The following FKBP5 variants were observed in gnomAD, a reference collection of about 807,000 sequenced individuals.
FKBP5 encodes peptidyl-prolyl cis-trans isomerase FKBP5.
Under a neutral mutation model 50.5 loss-of-function variants are expected in FKBP5, and 23 were observed. That is an observed-to-expected ratio of 0.46 (90% CI 0.33 to 0.65). The LOEUF is 0.65. FKBP5 is among the 30% of genes least tolerant of loss of function. FKBP5 has a pLI of 0.02. For missense variants in FKBP5, 411 were observed against 553.1 expected, an observed-to-expected ratio of 0.74 and a Z score of 2.58; for synonymous variants, 176 against 190.6, an observed-to-expected ratio of 0.92 and a Z score of 0.63.
At chr6:35,656,522 C>T (rs545576852) in intron 1 of FKBP5, among the ~76,000 whole-genome samples, 69 of 152,236 alleles carry the variant, frequency 4.5e-4, no homozygotes, top group African/African-American at 1.6e-3. Flanking sequence ...CCATTGCAAC[C>T]CTCTGGCAAA....
intron 1 of FKBP5, among the ~76,000 whole-genome samples, chr6:35,687,043 A>G (rs1018384530): frequency 6.6e-6 from 1 of 152,226 alleles, no homozygotes; most frequent in Non-Finnish European, 1.5e-5. Context: ...ATCAGCTATT[A>G]GCTAACTGTA....
intron 2 of FKBP5, among the ~76,000 whole-genome samples, chr6:35,719,283 A>G (rs1766564933): frequency 6.6e-6 from 1 of 152,202 alleles, no homozygotes; most frequent in African/African-American, 2.4e-5. Flanking sequence ...CACATGATCT[A>G]TGGTGATAGA....
intron 1 of FKBP5, among the ~76,000 whole-genome samples, chr6:35,726,074 C>A (rs1036407915): frequency 1.3e-5 from 2 of 152,154 alleles, no homozygotes; most frequent in African/African-American, 4.8e-5. Context: ...GTGCAGACAG[C>A]CCCAGCAGCC....
At chr6:35,708,413 G>C (rs1194943371) in intron 2 of FKBP5, among the ~76,000 whole-genome samples, 1 of 152,048 alleles carries the variant, frequency 6.6e-6, no homozygotes, top group East Asian at 1.9e-4. Flanking sequence ...CACCACGCCT[G>C]GGTAATTTTT....
In FKBP5 at chr6:35,588,458, CA is replaced by C. The variant is rs1762684194; in HGVS notation, c.757-1342del. Among the ~76,000 whole-genome samples, 4 of 152,266 alleles carry C rather than the reference CA, an allele frequency of 2.6e-5. No individual in the cohort carries two copies. The Middle Eastern group carries it at 0.014, about 518-fold the overall frequency. On this transcript the variant is annotated intron_variant, in intron 7 of 10. Coordinates refer to ENST00000357266, the MANE Select transcript of FKBP5 (RefSeq NM_004117.4). ...ATTCCAGGTTTTAGCACCCAAAAAACAAAAACAAAGAACACCTAGTTAATAA... is the reference window on the plus strand; with the variant it reads ...ATTCCAGGTTTTAGCACCCAAAAAACAAAACAAAGAACACCTAGTTAATAA...
At chr6:35,696,007 T>C (rs1023344143) in intron 2 of FKBP5, among the ~76,000 whole-genome samples, 1 of 151,870 alleles carries the variant, frequency 6.6e-6, no homozygotes, top group African/African-American at 2.4e-5. Flanking sequence ...TAGCTAGGCA[T>C]GGTGGCAGGC....
chr6:35,685,843 A>T (rs750140156), intron 1 of FKBP5, among the ~76,000 whole-genome samples: 1 of 152,076 alleles, frequency 6.6e-6, no homozygotes, highest in African/African-American at 2.4e-5. Flanking sequence ...TTAGCCGGAC[A>T]TGGTGGCGCA....
At chr6:35,580,256 T>C (rs886689811) in intron 8 of FKBP5, 35 bp from the exon 9 acceptor site, 1 of 1,535,872 alleles carries the variant, frequency 6.5e-7, no homozygotes, top group African/African-American at 1.4e-5. Flanking sequence ...TGTACTCAGC[T>C]CTTGAGGGGG....
chr6:35,586,705 A>G (rs1762610693), intron 8 of FKBP5: 1 of 1,146,148 alleles, frequency 8.7e-7, no homozygotes, highest in East Asian at 4.3e-5. Context: ...TTTCATTCCA[A>G]AAACACTTGT....
At chr6:35,687,780 C>T (rs921497133) in intron 1 of FKBP5, among the ~76,000 whole-genome samples, 2 of 152,178 alleles carry the variant, frequency 1.3e-5, no homozygotes, top group African/African-American at 4.8e-5. Context: ...CTGAACCACA[C>T]TGAAGGGTAT....
rs192697060 is a variant in FKBP5, at chr6:35,585,700, A to G, written c.840+1334T>C. The G allele has an allele frequency of 1.5e-4, 140 of 948,050 alleles. No individual in the cohort carries two copies. In the African/African-American group the frequency reaches 2.1e-3, roughly 14 times the overall value. 58.7% of individuals were successfully genotyped at this position (948,050 alleles called of 1,614,324 possible). A position where few individuals can be genotyped will look rare whatever the true frequency, so the allele number is the denominator to read the frequency against. On this transcript the variant is annotated intron_variant, in intron 8 of 10. Transcript: ENST00000357266. ...ATGATTTAAAATTTGTTTGAATACC[A>G]CCCACAGTAAGAAATATGCAATCCA...
At chr6:35,595,563 C>G (rs1393658611) in intron 6 of FKBP5, among the ~76,000 whole-genome samples, 1 of 151,964 alleles carries the variant, frequency 6.6e-6, no homozygotes, top group Non-Finnish European at 1.5e-5. Context: ...CCAGCCTGGG[C>G]AACATGGCAA....
At chr6:35,601,488 T>C (rs1028524202) in intron 5 of FKBP5, among the ~76,000 whole-genome samples, 4 of 152,306 alleles carry the variant, frequency 2.6e-5, no homozygotes, top group South Asian at 2.1e-4. Flanking sequence ...ATTGCCACAG[T>C]AGGGGCCCTG....
At chr6:35,651,800 C>A in intron 1 of FKBP5, 1 of 360,920 alleles carries the variant, frequency 2.8e-6, no homozygotes, top group Non-Finnish European at 4.2e-6. Flanking sequence ...ATTTAATGCA[C>A]AAAATTATTA....
At chr6:35,647,981 C>T (rs151070489) in intron 1 of FKBP5, among the ~76,000 whole-genome samples, 358 of 152,242 alleles carry the variant, frequency 2.4e-3, no homozygotes, top group African/African-American at 7.8e-3. Context: ...AGACTTCGGA[C>T]ATTTTGGTAT....
intron 1 of FKBP5, among the ~76,000 whole-genome samples, chr6:35,669,919 A>G (rs1251263139): frequency 6.6e-6 from 1 of 152,204 alleles, no homozygotes; most frequent in Admixed American, 6.5e-5. Context: ...TTTAATGTTC[A>G]AACACAGAAA....
chr6:35,684,571 A>G (rs1484388719), intron 1 of FKBP5, among the ~76,000 whole-genome samples: 1 of 152,184 alleles, frequency 6.6e-6, no homozygotes, highest in East Asian at 1.9e-4. Context: ...ACAATTTTCA[A>G]TATCTTTTGA....
At chr6:35,693,388 C>T (rs572880400), upstream of FKBP5, among the ~76,000 whole-genome samples, 4 of 151,960 alleles carry the variant, frequency 2.6e-5, no homozygotes, top group South Asian at 4.2e-4. Flanking sequence ...TGGTCTCAAT[C>T]GCCTGACCTC....
intron 3 of FKBP5, among the ~76,000 whole-genome samples, chr6:35,630,097 T>C (rs75487933): frequency 9.5e-4 from 142 of 150,136 alleles, no homozygotes; most frequent in African/African-American, 3.3e-3. Flanking sequence ...GATGGTGCCA[T>C]TGCATTCCAG....
Sources: gnomAD v4.1 joint callset for allele counts (sites outside exome capture counted in the v4.1 genomes callset) on GRCh38, gnomAD v4.1.1 for gene constraint, MANE v1.5 for transcripts, NCBI Gene and HGNC (gene_info 2026-07-23, HGNC 2026-07-21) for gene names.